Variants in PDE3A observed in about 807,000 individuals in gnomAD.
PDE3A encodes the protein cGMP-inhibited 3',5'-cyclic phosphodiesterase 3A.
Under a neutral mutation model 98.3 loss-of-function variants are expected in PDE3A, and 43 were observed. That is an observed-to-expected ratio of 0.44 (90% CI 0.34 to 0.56). The LOEUF is 0.56. PDE3A is among the 20% of genes least tolerant of loss of function. The probability of loss-of-function intolerance (pLI) is 0.01; values close to 1 mark genes in which losing one functional copy is unlikely to be tolerated. For missense variants in PDE3A, 1,427 were observed against 1,440.7 expected (o/e 0.99, Z 0.15); for synonymous variants, 663 against 567.9 (o/e 1.17, Z -2.38).
chr12:20,658,517 G>C (rs919116460), intron 15 of PDE3A, among the ~76,000 whole-genome samples: 1 of 152,204 alleles, frequency 6.6e-6, no homozygotes, highest in African/African-American at 2.4e-5. Context: ...ACTGTAATAG[G>C]GGAGACAGAT....
At chr12:20,639,027 T>G (rs1254695856) in intron 9 of PDE3A, among the ~76,000 whole-genome samples, 1 of 152,122 alleles carries the variant, frequency 6.6e-6, no homozygotes, top group East Asian at 1.9e-4. Flanking sequence ...CATATCTTCA[T>G]AAAACACCTT....
chr12:20,461,910 G>A (rs765123974), intron 1 of PDE3A, among the ~76,000 whole-genome samples: 1 of 152,044 alleles, frequency 6.6e-6, no homozygotes, highest in Non-Finnish European at 1.5e-5. Context: ...GTATTAGAAG[G>A]TTTTAAAAAT....
intron 15 of PDE3A, among the ~76,000 whole-genome samples, chr12:20,674,437 G>A (rs1018276909): frequency 6.6e-6 from 1 of 152,134 alleles, no homozygotes; most frequent in Non-Finnish European, 1.5e-5. Flanking sequence ...GTTTTATTAT[G>A]TGTGGTGTTT....
At chr12:20,515,427 C>T (rs1408056093) in intron 1 of PDE3A, among the ~76,000 whole-genome samples, 2 of 152,156 alleles carry the variant, frequency 1.3e-5, no homozygotes, top group Non-Finnish European at 2.9e-5. Context: ...GAGTGTAAAA[C>T]TCCTTAGCTT....
chr12:20,649,465 T>C (rs1038961282), intron 13 of PDE3A, among the ~76,000 whole-genome samples: 8 of 152,174 alleles, frequency 5.3e-5, no homozygotes, highest in African/African-American at 7.2e-5. Context: ...GTCATTGTGG[T>C]TTTTGTTTGA....
At chr12:20,675,404 T>G (rs539280127) in intron 15 of PDE3A, among the ~76,000 whole-genome samples, 116 of 152,342 alleles carry the variant, frequency 7.6e-4, no homozygotes, top group Non-Finnish European at 1.0e-3. Flanking sequence ...CAAAATGTTC[T>G]GTAAATATCT....
At chr12:20,555,945 A>T (rs1328792485) in intron 1 of PDE3A, among the ~76,000 whole-genome samples, 1 of 152,002 alleles carries the variant, frequency 6.6e-6, no homozygotes, top group Non-Finnish European at 1.5e-5. Context: ...AGCTGTAAAT[A>T]CTTCTTCAGC....
chr12:20,629,997 G>A lies in PDE3A; in HGVS notation c.1630G>A (p.Ala544Thr). ...PASSLVSKIS[A>T]VQFPESADTT... Reference sequence around the variant, plus strand: ...CAGCAGCCTGGTCAGCAAAATTTCTGCAGTGCAGTTTCCAGAATCTGCTGA... The same window carrying A: ...CAGCAGCCTGGTCAGCAAAATTTCTACAGTGCAGTTTCCAGAATCTGCTGA... Residue 544 changes from alanine (A) to threonine (T), a missense_variant, in exon 6 of 16, where the codon GCA (alanine) becomes ACA (threonine). Transcript: ENST00000359062. The A allele has an allele frequency of 1.2e-6, 2 of 1,613,932 alleles. No individual in the cohort carries two copies. Among genetic ancestry groups the A allele is most frequent in the Non-Finnish European group, 1.7e-6 (2 of 1,179,886 alleles).
intron 2 of PDE3A, among the ~76,000 whole-genome samples, chr12:20,584,843 G>A (rs982439284): frequency 6.6e-6 from 1 of 151,964 alleles, no homozygotes; most frequent in African/African-American, 2.4e-5. Context: ...TCCCCTTAAA[G>A]CAAGCTACCT....
rs1592193129 is a variant in PDE3A at position 20,686,950 on chromosome 12, A to C, written c.*6679A>C. Reference sequence around the variant, plus strand: ...ATACAAACCAATTTAGTTACTCTGGAGTGAAATGACTTGTGGATACACTGT... The same window carrying C: ...ATACAAACCAATTTAGTTACTCTGGCGTGAAATGACTTGTGGATACACTGT... On this transcript the variant is annotated 3_prime_UTR_variant, in exon 16 of 16. Transcript: ENST00000359062. 6.6e-6 allele frequency among the ~76,000 whole-genome samples: 1 copy of C among 152,086 alleles called. No individual in the cohort carries two copies. The highest frequency in any genetic ancestry group is 6.6e-5 in the Admixed American group (1 of 15,256).
rs528813434 is a variant in PDE3A at position 20,617,542 on chromosome 12, T to G, written c.1424+1158T>G. Among the ~76,000 whole-genome samples, 36 of 152,290 alleles carry G rather than the reference T, an allele frequency of 2.4e-4. No homozygotes were observed. In the South Asian group the frequency reaches 7.2e-3, roughly 31 times the overall value. ...GAAGTCAATGATCAATATTTTTCTCTAAAAATATTGATCATTGACAATTGC... is the reference window on the plus strand; with the variant it reads ...GAAGTCAATGATCAATATTTTTCTCGAAAAATATTGATCATTGACAATTGC... On this transcript the variant is annotated intron_variant, in intron 4 of 15. Transcript: ENST00000359062.
intron 1 of PDE3A, among the ~76,000 whole-genome samples, chr12:20,512,146 A>T (rs941489659): frequency 6.6e-6 from 1 of 152,050 alleles, no homozygotes; most frequent in African/African-American, 2.4e-5. Flanking sequence ...TAAAAACTAT[A>T]TCTGAGTAAA....
chr12:20,623,007 T>A (rs918890211), intron 5 of PDE3A, among the ~76,000 whole-genome samples: 2 of 152,108 alleles, frequency 1.3e-5, no homozygotes, highest in Non-Finnish European at 2.9e-5. Context: ...AAATTTAATT[T>A]AAAAATTTAC....
At chr12:20,583,201 G>GCCCA (rs1943111985) in intron 2 of PDE3A, among the ~76,000 whole-genome samples, 6 of 151,822 alleles carry the variant, frequency 4.0e-5, no homozygotes, top group Non-Finnish European at 8.8e-5. Flanking sequence ...CTACACACTG[G>GCCCA]GTACAGTATA....
At chr12:20,592,571 A>C (rs1943366511) in intron 2 of PDE3A, among the ~76,000 whole-genome samples, 1 of 152,168 alleles carries the variant, frequency 6.6e-6, no homozygotes, top group Non-Finnish European at 1.5e-5. Context: ...CTTGAGTACT[A>C]ATCATAGAAA....
chr12:20,417,757 G>A (rs901558603), intron 1 of PDE3A, among the ~76,000 whole-genome samples: 2 of 152,126 alleles, frequency 1.3e-5, no homozygotes, highest in African/African-American at 4.8e-5. Flanking sequence ...AAAAAATGTA[G>A]GATAATAAAA....
intron 10 of PDE3A, among the ~76,000 whole-genome samples, chr12:20,644,896 T>C (rs1944739763): frequency 2.1e-5 from 3 of 145,638 alleles, no homozygotes; most frequent in East Asian, 4.1e-4. Flanking sequence ...TCCTTCTTTT[T>C]TTTTTTTTTT....
rs773151771 is a variant in PDE3A at position 20,370,165 on chromosome 12, C to T, written c.881C>T (p.Ser294Phe). The change falls in exon 1 of 16, where the codon TCC becomes TTC. Residue 294 changes from serine to phenylalanine, a missense_variant. Transcript: ENST00000359062. ...TTTAAGAGGAGGAGGCGGTCCAGCT[C>T]CGTCGTGTCCGCCGAGATGTCCGGC... is the stretch of plus-strand genomic sequence containing the variant. ...PVFKRRRRSS[S>F]VVSAEMSGCS... 61 of 1,612,578 alleles carry T rather than the reference C, an allele frequency of 3.8e-5. 2 individuals are homozygous for T. In the South Asian group the frequency reaches 6.6e-4, roughly 17 times the overall value.
intron 15 of PDE3A, among the ~76,000 whole-genome samples, chr12:20,679,043 GAAGA>G (rs758393998): frequency 4.6e-4 from 70 of 152,244 alleles, no homozygotes; most frequent in Admixed American, 1.3e-3. Flanking sequence ...TGGGAATTTA[GAAGA>G]AAGAGATTAT....
Sources: gnomAD v4.1 joint callset for allele counts (sites outside exome capture counted in the v4.1 genomes callset) on GRCh38, gnomAD v4.1.1 for gene constraint, MANE v1.5 for transcripts, NCBI Gene and HGNC (gene_info 2026-07-23, HGNC 2026-07-21) for gene names.